Variants in SMYD3 observed in about 807,000 individuals in gnomAD.
The protein encoded by SMYD3 is SET and MYND domain containing 3, also known as histone-lysine N-methyltransferase SMYD3.
A neutral mutation model predicts 57.7 loss-of-function variants in SMYD3; 36 were observed. The observed-to-expected ratio is 0.62, with a 90% CI of 0.48 to 0.82. The LOEUF is 0.82. SMYD3 is among the 40% of genes least tolerant of loss of function. The pLI, the probability that SMYD3 is intolerant of heterozygous loss-of-function variation, is 0.00. For synonymous variants in SMYD3, 211 were observed against 195.0 expected (o/e 1.08, Z -0.68); for missense variants, 515 against 538.8 (o/e 0.96, Z 0.44).
In SMYD3 at chr1:245,749,382, G is replaced by T. The variant is rs968700524; in HGVS notation, c.*181C>A. On this transcript the variant is annotated 3_prime_UTR_variant, in exon 12 of 12. Coordinates refer to ENST00000490107, the MANE Select transcript of SMYD3 (RefSeq NM_001167740.2). ...AATGTTTTGAATTTATTATAATCGT[G>T]CTTCTCTACAACTAATGATTCTTGT... 6 of 500,732 alleles carry T rather than the reference G, an allele frequency of 1.2e-5. No homozygotes were observed. The highest frequency in any genetic ancestry group is 3.8e-5 in the Admixed American group (1 of 26,536). 31.0% of individuals were successfully genotyped at this position (500,732 alleles called of 1,614,324 possible).
At chr1:245,853,428 G>A (rs142985436) in intron 10 of SMYD3, among the ~76,000 whole-genome samples, 39 of 152,110 alleles carry the variant, frequency 2.6e-4, no homozygotes, top group Admixed American at 7.9e-4. Flanking sequence ...TGACGGCATC[G>A]AACGCGCGCT....
intron 11 of SMYD3, among the ~76,000 whole-genome samples, chr1:245,759,281 T>C (rs200657314): frequency 2.6e-5 from 4 of 151,554 alleles, no homozygotes; most frequent in African/African-American, 7.3e-5. Context: ...TTACGGGACA[T>C]CCTTCCGCAT....
At chr1:246,166,541 T>C (rs1661681700) in intron 5 of SMYD3, among the ~76,000 whole-genome samples, 2 of 152,190 alleles carry the variant, frequency 1.3e-5, no homozygotes, top group Admixed American at 6.5e-5. Flanking sequence ...CTTCATATTT[T>C]GTCTGTTCCC....
Position 246,258,054 on chromosome 1 carries a change from C to T in SMYD3, c.531+69147G>A, listed in dbSNP as rs567801019. Among the ~76,000 whole-genome samples, 138 of 146,040 alleles carry T rather than the reference C, an allele frequency of 9.4e-4. 1 individual carries two copies. The highest frequency in any genetic ancestry group is 1.6e-3 in the African/African-American group (65 of 39,862). On this transcript the variant is annotated intron_variant, in intron 5 of 11. Transcript: ENST00000490107. ...GTCTCAGGTATTTCTTTTCTTTTTT[C>T]GAGACAGAGTCTCACTTTGTCACCC...
intron 5 of SMYD3, among the ~76,000 whole-genome samples, chr1:246,218,086 T>A (rs2063191481): frequency 1.3e-5 from 2 of 152,138 alleles, no homozygotes; most frequent in Non-Finnish European, 2.9e-5. Context: ...TGCAGTTACA[T>A]GACCATCACG....
At chr1:246,228,056 G>T (rs140053665) in intron 5 of SMYD3, among the ~76,000 whole-genome samples, 1 of 137,052 alleles carries the variant, frequency 7.3e-6, no homozygotes, top group Non-Finnish European at 1.5e-5. Flanking sequence ...TGCAACCTCC[G>T]CCTCCCGGGT....
Position 245,942,937 on chromosome 1 carries a change from G to A in SMYD3, c.532-13000C>T, listed in dbSNP as rs949861026. Among the ~76,000 whole-genome samples the A allele has an allele frequency of 2.6e-5, 4 of 152,216 alleles. No homozygotes were observed. In the South Asian group the frequency reaches 8.3e-4, roughly 32 times the overall value. ...AATGAAGAAGTTCTTTGAAACCAAT[G>A]AGAACGAAGAAACTATGTACCAGAA... is the stretch of plus-strand genomic sequence containing the variant. On this transcript the variant is annotated intron_variant, in intron 5 of 11. Transcript: ENST00000490107.
intron 5 of SMYD3, chr1:245,953,320 T>C: frequency 2.0e-6 from 2 of 996,326 alleles, no homozygotes; most frequent in Non-Finnish European, 2.4e-6. Context: ...GACCAAAATC[T>C]TTCAATTAAC....
intron 10 of SMYD3, among the ~76,000 whole-genome samples, chr1:245,822,676 G>A (rs1257943427): frequency 6.6e-6 from 1 of 152,008 alleles, no homozygotes; most frequent in Non-Finnish European, 1.5e-5. Context: ...TTCCTCCGCT[G>A]AGGGTGAAGC....
intron 5 of SMYD3, among the ~76,000 whole-genome samples, chr1:246,255,331 T>TA (rs1558353298): frequency 2.3e-4 from 35 of 149,820 alleles, no homozygotes; most frequent in African/African-American, 8.3e-4. Context: ...TAATAATAAT[T>TA]ATTATTATTA....
chr1:246,067,270 A>C (rs190078230), intron 5 of SMYD3, among the ~76,000 whole-genome samples: 1 of 152,214 alleles, frequency 6.6e-6, no homozygotes, highest in Non-Finnish European at 1.5e-5. Context: ...TACATACCAG[A>C]CAGCCAGTGG....
Position 245,863,712 on chromosome 1 carries a change from C to T in SMYD3, c.901+87G>A. On this transcript the variant is annotated intron_variant, in intron 9 of 11. Coordinates refer to ENST00000490107, the MANE Select transcript of SMYD3 (RefSeq NM_001167740.2). ...CCACTGGCTCATGGAGAGGTCAAAC[C>T]CCGCCTCTGACCTCATTACGACAGG... The T allele has an allele frequency of 2.4e-6, 3 of 1,252,758 alleles. No individual in the cohort carries two copies. The South Asian group carries it at 3.9e-5, about 16-fold the overall frequency. The allele number at this position is 1,252,758 out of a possible 1,614,324, so 77.6% of individuals were successfully genotyped here. A position where few individuals can be genotyped will look rare whatever the true frequency, so the allele number is the denominator to read the frequency against.
chr1:245,870,226 G>A (rs778379851), intron 8 of SMYD3, among the ~76,000 whole-genome samples: 32 of 152,222 alleles, frequency 2.1e-4, no homozygotes, highest in Admixed American at 1.4e-3. Context: ...CACAGCACAC[G>A]TCTACCTTGA....
At chr1:246,488,922 T>C (rs192725881) in intron 1 of SMYD3, among the ~76,000 whole-genome samples, 5 of 152,226 alleles carry the variant, frequency 3.3e-5, no homozygotes, top group Admixed American at 3.3e-4. Flanking sequence ...GAATGTAGAT[T>C]CTGTGCCTTA....
At chr1:246,398,238 A>G (rs2066708224) in intron 1 of SMYD3, among the ~76,000 whole-genome samples, 1 of 152,204 alleles carries the variant, frequency 6.6e-6, no homozygotes, top group African/African-American at 2.4e-5. Flanking sequence ...TTAATTTTAC[A>G]AAGGCAGCTT....
intron 5 of SMYD3, among the ~76,000 whole-genome samples, chr1:246,161,003 G>A (rs567861437): frequency 6.6e-6 from 1 of 152,180 alleles, no homozygotes; most frequent in Non-Finnish European, 1.5e-5. Context: ...CATGCAGGCT[G>A]GGACTGTGAG....
intron 5 of SMYD3, among the ~76,000 whole-genome samples, chr1:245,951,534 A>G (rs1448719697): frequency 3.0e-5 from 4 of 135,380 alleles, no homozygotes; most frequent in Admixed American, 7.2e-5. Flanking sequence ...GCGCCCCTGC[A>G]CTCCAGCCTG....
intron 5 of SMYD3, among the ~76,000 whole-genome samples, chr1:246,221,591 C>G (rs1343241327): frequency 6.6e-6 from 1 of 152,220 alleles, no homozygotes; most frequent in Non-Finnish European, 1.5e-5. Context: ...CACCACATTC[C>G]CCGGTGCCAG....
chr1:246,425,994 ATC>A (rs1300197660), intron 1 of SMYD3: 4 of 151,800 alleles, frequency 2.6e-5, no homozygotes, highest in African/African-American at 7.3e-5. Context: ...CTTCGATTAT[ATC>A]TCTTTTTTTT....
Sources: gnomAD v4.1 joint callset for allele counts (sites outside exome capture counted in the v4.1 genomes callset) on GRCh38, gnomAD v4.1.1 for gene constraint, MANE v1.5 for transcripts, NCBI Gene and HGNC (gene_info 2026-07-23, HGNC 2026-07-21) for gene names.